The following FILIP1L variants were observed in gnomAD, a reference collection of about 807,000 sequenced individuals.
The protein encoded by FILIP1L is filamin A-interacting protein 1-like.
FILIP1L carries 55 observed loss-of-function variants against 96.6 expected under a neutral mutation model. The observed-to-expected ratio is 0.57, with a 90% CI of 0.46 to 0.71. The LOEUF is 0.71. Ranked by LOEUF, FILIP1L falls within the 30% of genes least tolerant of loss-of-function variation. The pLI, the probability that FILIP1L is intolerant of heterozygous loss-of-function variation, is 0.00. For missense variants in FILIP1L, 1,304 were observed against 1,321.2 expected (o/e 0.99, Z 0.20); for synonymous variants, 467 against 473.9 (o/e 0.99, Z 0.19).
intron 5 of FILIP1L, among the ~76,000 whole-genome samples, chr3:99,844,854 C>G (rs898451725): frequency 6.6e-6 from 1 of 152,160 alleles, no homozygotes; most frequent in African/African-American, 2.4e-5. Flanking sequence ...TGCACTCTCT[C>G]GCTCTCTTGC....
At chr3:100,062,511 C>G (rs549267888) in intron 1 of FILIP1L, among the ~76,000 whole-genome samples, 22 of 152,086 alleles carry the variant, frequency 1.4e-4, no homozygotes, top group Non-Finnish European at 2.9e-4. Context: ...CAGCCAGTCC[C>G]TCATACGGGG....
chr3:99,971,294 C>T (rs571640455), intron 1 of FILIP1L, among the ~76,000 whole-genome samples: 65 of 146,508 alleles, frequency 4.4e-4, no homozygotes, highest in African/African-American at 1.6e-3. Context: ...GAGCCAAGAT[C>T]GTGCCACTGC....
chr3:100,049,046 A>G (rs1157919954), intron 1 of FILIP1L, among the ~76,000 whole-genome samples: 2 of 152,212 alleles, frequency 1.3e-5, no homozygotes, highest in South Asian at 2.1e-4. Flanking sequence ...TAAAATTTTT[A>G]TGCCAGAAAC....
chr3:100,004,918 C>T (rs1709946388), intron 1 of FILIP1L, among the ~76,000 whole-genome samples: 1 of 152,138 alleles, frequency 6.6e-6, no homozygotes. Flanking sequence ...CTCATAGCCT[C>T]ATACCCATTA....
At chr3:100,093,188 T>A (rs2066142938) in intron 1 of FILIP1L, among the ~76,000 whole-genome samples, 1 of 152,158 alleles carries the variant, frequency 6.6e-6, no homozygotes, top group Admixed American at 6.5e-5. Context: ...CAGGGACCTC[T>A]GGCCTAACAT....
At chr3:100,062,172 C>T (rs1057239873) in intron 1 of FILIP1L, among the ~76,000 whole-genome samples, 2 of 129,014 alleles carry the variant, frequency 1.6e-5, no homozygotes, top group African/African-American at 3.1e-5. Context: ...AGTGCAGTGG[C>T]GCGATCTTGG....
intron 1 of FILIP1L, among the ~76,000 whole-genome samples, chr3:100,103,769 A>T (rs543175557): frequency 1.3e-5 from 2 of 152,338 alleles, no homozygotes; most frequent in East Asian, 3.9e-4. Context: ...CCTTGCAATA[A>T]ACATGTTTGT....
chr3:99,966,828 C>T (rs1196876216), intron 1 of FILIP1L, among the ~76,000 whole-genome samples: 3 of 152,096 alleles, frequency 2.0e-5, no homozygotes, highest in South Asian at 2.1e-4. Context: ...CAGAGCATGC[C>T]GTACTTGAAC....
At chr3:100,056,900 A>C (rs968453062) in intron 1 of FILIP1L, among the ~76,000 whole-genome samples, 1 of 152,086 alleles carries the variant, frequency 6.6e-6, no homozygotes, top group Non-Finnish European at 1.5e-5. Flanking sequence ...GCTACTCGGG[A>C]GGCTGAGGCA....
intron 1 of FILIP1L, among the ~76,000 whole-genome samples, chr3:100,005,165 G>A (rs978919418): frequency 1.3e-5 from 2 of 152,162 alleles, no homozygotes; most frequent in African/African-American, 4.8e-5. Flanking sequence ...TTACAACCAG[G>A]AAACCTCCCT....
At chr3:100,022,956 G>C (rs2064852563) in intron 1 of FILIP1L, among the ~76,000 whole-genome samples, 2 of 152,130 alleles carry the variant, frequency 1.3e-5, no homozygotes, top group African/African-American at 4.8e-5. Flanking sequence ...CCATTGCAAA[G>C]GCCATGCAAT....
In FILIP1L at chr3:99,924,319, T is replaced by C; in HGVS notation, c.516A>G (p.Ile172Met). ...LVAEKSRRQT[I>M]LELEEEKRKH... ...TTCTCTTTTCTTCCTCCAACTCCAA[T>C]ATGGTTTGCCTACGGGATTTTTCTG... The change falls in exon 4 of 6, where the codon ATA (isoleucine) becomes ATG (methionine). Residue 172 changes from isoleucine to methionine, a missense_variant. By Grantham distance (10) the Ile-to-Met change is conservative (BLOSUM62 1). Coordinates refer to ENST00000477258, the MANE Select transcript of FILIP1L (RefSeq NM_001387850.1). 1 of 1,614,010 alleles carries C rather than the reference T, an allele frequency of 6.2e-7. No individual in the cohort carries two copies. Among genetic ancestry groups the C allele is most frequent in the Non-Finnish European group, 8.5e-7 (1 of 1,179,888 alleles).
chr3:99,900,936 G>C (rs192257186), intron 4 of FILIP1L, among the ~76,000 whole-genome samples: 1 of 152,322 alleles, frequency 6.6e-6, no homozygotes, highest in African/African-American at 2.4e-5. Flanking sequence ...AGGGGAAGGG[G>C]CATGATGGTA....
At chr3:99,919,766 A>G (rs1026942492) in intron 4 of FILIP1L, among the ~76,000 whole-genome samples, 1 of 152,196 alleles carries the variant, frequency 6.6e-6, no homozygotes, top group African/African-American at 2.4e-5. Context: ...ATACTTGTTT[A>G]TAAAGTTGTT....
At chr3:99,926,391 G>T (rs1707293821) in intron 3 of FILIP1L, among the ~76,000 whole-genome samples, 3 of 152,220 alleles carry the variant, frequency 2.0e-5, no homozygotes, top group Admixed American at 6.5e-5. Flanking sequence ...ATCTTCTGAG[G>T]AGGCTCTAGT....
At chr3:99,888,996 C>A (rs1706000224) in intron 4 of FILIP1L, among the ~76,000 whole-genome samples, 1 of 152,106 alleles carries the variant, frequency 6.6e-6, no homozygotes, top group African/African-American at 2.4e-5. Context: ...AGTATGTTAT[C>A]TATCCTTTGA....
intron 1 of FILIP1L, among the ~76,000 whole-genome samples, chr3:100,042,367 A>G (rs1050383538): frequency 6.6e-6 from 1 of 152,206 alleles, no homozygotes; most frequent in Non-Finnish European, 1.5e-5. Flanking sequence ...TGACCAGCCA[A>G]TACCAGATAC....
intron 1 of FILIP1L, among the ~76,000 whole-genome samples, chr3:100,029,009 A>G (rs943599132): frequency 5.9e-5 from 9 of 152,132 alleles, no homozygotes; most frequent in African/African-American, 2.2e-4. Context: ...CCTAAACTCA[A>G]TTCAATTATT....
chr3:100,069,909 T>TA (rs1559747083), intron 1 of FILIP1L, among the ~76,000 whole-genome samples: 1 of 152,156 alleles, frequency 6.6e-6, no homozygotes, highest in Non-Finnish European at 1.5e-5. Flanking sequence ...GTTGGAAACT[T>TA]AAAAAAAGAA....
Sources: allele counts gnomAD v4.1 joint callset (sites outside exome capture counted in the v4.1 genomes callset), GRCh38; gene constraint gnomAD v4.1.1; transcripts MANE v1.5; gene names NCBI Gene and HGNC (gene_info 2026-07-23, HGNC 2026-07-21).